Variants in CBLB observed in about 807,000 individuals in gnomAD.
CBLB encodes the protein E3 ubiquitin-protein ligase CBL-B.
In CBLB, 31 loss-of-function variants were observed where a neutral mutation model predicts 104.9. That is an observed-to-expected ratio of 0.30 (90% confidence interval 0.22 to 0.40). The LOEUF (loss-of-function observed/expected upper bound fraction) is 0.40. CBLB is among the 10% of genes least tolerant of loss of function. The pLI is 1.00. For synonymous variants in CBLB, 440 were observed against 422.6 expected (o/e 1.04, Z -0.51); for missense variants, 1,062 against 1,214.6 (o/e 0.87, Z 1.87).
intron 4 of CBLB, among the ~76,000 whole-genome samples, chr3:105,767,560 TTC>T (rs1479435265): frequency 1.5e-3 from 11 of 7,216 alleles, no homozygotes; most frequent in South Asian, 8.1e-3. Context: ...TTCTTTTTCT[TTC>T]TTTTTTTTTT....
At chr3:105,715,360 G>T (rs2071704829) in intron 10 of CBLB, among the ~76,000 whole-genome samples, 1 of 152,162 alleles carries the variant, frequency 6.6e-6, no homozygotes, top group African/African-American at 2.4e-5. Context: ...GAATCAAAAA[G>T]TATGTATTAT....
intron 4 of CBLB, among the ~76,000 whole-genome samples, chr3:105,767,970 G>A (rs189549039): frequency 6.6e-6 from 1 of 152,038 alleles, no homozygotes; most frequent in East Asian, 1.9e-4. Context: ...AAGCAAGCAG[G>A]CTCCATCTCA....
chr3:105,728,046 G>T (rs113534672), intron 9 of CBLB, among the ~76,000 whole-genome samples: 178 of 152,212 alleles, frequency 1.2e-3, no homozygotes, highest in African/African-American at 4.1e-3. Flanking sequence ...GGTTCCATAT[G>T]AAATTTAAAG....
rs1181652677 is a variant in CBLB at position 105,681,390 on chromosome 3, T to C, written c.2428+89A>G. On this transcript the variant is annotated intron_variant, in intron 16 of 18. Coordinates refer to ENST00000394030, the MANE Select transcript of CBLB (RefSeq NM_170662.5). ...TCAGGCAAATTCACAACCCAGTGAG[T>C]CTGTGTTATACTGAACTCTGAATTC... The C allele has an allele frequency of 5.8e-6, 8 of 1,368,076 alleles. No individual in the cohort carries two copies. The East Asian group carries it at 1.9e-4, about 32-fold the overall frequency. The allele number at this position is 1,368,076 out of a possible 1,614,324, so 84.7% of individuals were successfully genotyped here.
intron 8 of CBLB, among the ~76,000 whole-genome samples, chr3:105,734,411 G>A (rs986224257): frequency 6.6e-6 from 1 of 151,912 alleles, no homozygotes; most frequent in Non-Finnish European, 1.5e-5. Context: ...CTTTAGGAAG[G>A]GACTTGCTTC....
chr3:105,717,147 C>T (rs532118135), intron 10 of CBLB, among the ~76,000 whole-genome samples: 86 of 152,216 alleles, frequency 5.6e-4, no homozygotes, highest in African/African-American at 1.8e-3. Context: ...AGGGCAGATA[C>T]TGTTTTCTCC....
At chr3:105,765,972 C>A (rs535472952) in intron 4 of CBLB, among the ~76,000 whole-genome samples, 1 of 152,108 alleles carries the variant, frequency 6.6e-6, no homozygotes, top group African/African-American at 2.4e-5. Flanking sequence ...AAATTCAAAA[C>A]CTCGTGGAAA....
At chr3:105,807,531 T>C (rs1201731675) in intron 3 of CBLB, among the ~76,000 whole-genome samples, 1 of 152,220 alleles carries the variant, frequency 6.6e-6, no homozygotes, top group Non-Finnish European at 1.5e-5. Flanking sequence ...TAAAATCCTA[T>C]GTTCAGAGAA....
rs780651060 is a variant in CBLB, at chr3:105,867,573, G to T, written c.5C>A (p.Ala2Glu). 5.0e-5 allele frequency: 80 copies of T among 1,613,930 alleles called. No individual in the cohort carries two copies. Among genetic ancestry groups the T allele is most frequent in the Admixed American group, 2.0e-4 (12 of 59,994 alleles). M[A>E]NSMNGRNPGG... ...AGGGTTTCTGCCATTCATTGAGTTT[G>T]CCATCTGGAATTTTAGTTCTTTAAA... is the stretch of plus-strand genomic sequence containing the variant. Residue 2 changes from alanine to glutamate, a missense_variant, in exon 2 of 19, where the codon GCA becomes GAA. Physicochemically the swap from Ala to Glu is moderately radical, Grantham distance 107. Transcript: ENST00000394030.
intron 10 of CBLB, among the ~76,000 whole-genome samples, chr3:105,715,723 T>G (rs1025462369): frequency 1.3e-5 from 2 of 152,132 alleles, no homozygotes; most frequent in African/African-American, 4.8e-5. Flanking sequence ...ACTGAGAGAA[T>G]AAAATGTTTT....
chr3:105,831,914 C>T (rs941505365), intron 3 of CBLB, among the ~76,000 whole-genome samples: 9 of 151,558 alleles, frequency 5.9e-5, no homozygotes, highest in Non-Finnish European at 1.3e-4. Flanking sequence ...TAAATTATTT[C>T]CAATTAAGGG....
rs542138836 is a variant in CBLB, at chr3:105,665,854, C to T, written c.2689+4379G>A. Among the ~76,000 whole-genome samples, 3 of 151,398 alleles carry T rather than the reference C, an allele frequency of 2.0e-5. No individual in the cohort carries two copies. The South Asian group carries it at 6.2e-4, about 32-fold the overall frequency. ...GATCAGCCTGGCCAATATGGTGAAA[C>T]CCCGTCTCTACTAAAAATGTAAAAA... On this transcript the variant is annotated intron_variant, in intron 18 of 18. Transcript: ENST00000394030.
intron 2 of CBLB, among the ~76,000 whole-genome samples, chr3:105,858,914 T>C (rs918020884): frequency 6.6e-6 from 1 of 152,142 alleles, no homozygotes; most frequent in African/African-American, 2.4e-5. Context: ...TTCACATGAA[T>C]AAAAATATAT....
chr3:105,868,437 G>A (rs889338204), intron 1 of CBLB: 4 of 383,600 alleles, frequency 1.0e-5, no homozygotes, highest in African/African-American at 4.1e-5. Context: ...TGTCCCTCCC[G>A]TGCCCGCAGC....
chr3:105,767,384 A>T (rs1335343983), intron 4 of CBLB, among the ~76,000 whole-genome samples: 1 of 152,108 alleles, frequency 6.6e-6, no homozygotes, highest in African/African-American at 2.4e-5. Flanking sequence ...TGAAAGGAAA[A>T]TACGGGAAAC....
intron 11 of CBLB, among the ~76,000 whole-genome samples, chr3:105,702,991 A>T (rs557568317): frequency 1.1e-3 from 172 of 152,336 alleles, no homozygotes; most frequent in Middle Eastern, 3.4e-3. Context: ...TTATTACCAG[A>T]ATAGTAAAAG....
At chr3:105,792,852 T>C (rs2081845485) in intron 3 of CBLB, among the ~76,000 whole-genome samples, 1 of 151,866 alleles carries the variant, frequency 6.6e-6, no homozygotes, top group Non-Finnish European at 1.5e-5. Context: ...AAACAATCCA[T>C]CTGCGGTGTC....
chr3:105,789,755 A>G (rs894090324), intron 3 of CBLB, among the ~76,000 whole-genome samples: 10 of 152,194 alleles, frequency 6.6e-5, no homozygotes, highest in Non-Finnish European at 2.9e-5. Context: ...ACAATTTAAC[A>G]TAACTAGATT....
At chr3:105,723,507 A>T (rs1310330693) in intron 9 of CBLB, among the ~76,000 whole-genome samples, 3 of 152,154 alleles carry the variant, frequency 2.0e-5, no homozygotes, top group African/African-American at 7.2e-5. Flanking sequence ...TAATACAGTA[A>T]AATAATTCAG....
Sources: allele counts gnomAD v4.1 joint callset (sites outside exome capture counted in the v4.1 genomes callset), GRCh38; gene constraint gnomAD v4.1.1; transcripts MANE v1.5; gene names NCBI Gene and HGNC (gene_info 2026-07-23, HGNC 2026-07-21).